CASK: variants seen among roughly 807,000 people sequenced by gnomAD.
The protein encoded by CASK is peripheral plasma membrane protein CASK.
In CASK, 4 loss-of-function variants were observed where a neutral mutation model predicts 82.9. The ratio of observed to expected loss-of-function variants is 0.05; its 90% CI spans 0.02 to 0.11. The LOEUF is 0.11. Among genes scored for constraint, CASK ranks in the 10% least tolerant of loss-of-function variants. CASK has a pLI of 1.00. For synonymous variants in CASK, 259 were observed against 253.5 expected (o/e 1.02, Z -0.20); for missense variants, 358 against 720.9 (o/e 0.50, Z 5.76).
chrX:41,542,589 T>G (rs2064962409), intron 22 of CASK, 102 bp downstream of exon 22: 1 of 542,951 alleles, frequency 1.8e-6, no homozygotes, highest in East Asian at 3.6e-5. Flanking sequence ...TATGGTAGAA[T>G]TTTTTGGATA....
At chrX:41,790,302 A>G in intron 2 of CASK, 1 of 463,270 alleles carries the variant, frequency 2.2e-6, no homozygotes, top group Non-Finnish European at 3.1e-6. Context: ...CCTGACCTCA[A>G]GTGATCCACC....
At chrX:41,845,825 A>T (rs1053690878) in intron 2 of CASK, among the ~76,000 whole-genome samples, 4 of 111,554 alleles carry the variant, frequency 3.6e-5, no homozygotes, top group Non-Finnish European at 5.7e-5. Context: ...TGTTAAATAG[A>T]TATTTTATGG....
chrX:41,858,262 T>C (rs1425047606), intron 1 of CASK, among the ~76,000 whole-genome samples: 1 of 112,056 alleles, frequency 8.9e-6, no homozygotes, highest in Non-Finnish European at 1.9e-5. Flanking sequence ...GCCATCAGTT[T>C]TCCACTGCCA....
intron 4 of CASK, chrX:41,743,428 T>C (rs1352044050): frequency 3.9e-6 from 1 of 256,211 alleles, no homozygotes; most frequent in Admixed American, 6.6e-5. Context: ...TTAGAGAACA[T>C]TGCACAAAAG....
At chrX:41,790,723 G>A (rs2069696356) in intron 2 of CASK, among the ~76,000 whole-genome samples, 1 of 111,640 alleles carries the variant, frequency 9.0e-6, no homozygotes, top group Non-Finnish European at 1.9e-5. Flanking sequence ...GAAAAATTGT[G>A]GTCATGTTTT....
At chrX:41,740,994 C>T (rs987636774) in intron 4 of CASK, among the ~76,000 whole-genome samples, 3 of 111,377 alleles carry the variant, frequency 2.7e-5, no homozygotes, top group Admixed American at 9.6e-5. Context: ...GCGATTTTCC[C>T]GCCTCAGCCT....
chrX:41,571,287 TC>T (rs1377186738), intron 15 of CASK, among the ~76,000 whole-genome samples: 1 of 112,015 alleles, frequency 8.9e-6, no homozygotes, highest in East Asian at 2.8e-4. Context: ...AGTGAAGCCA[TC>T]TTGACCTGGA....
intron 2 of CASK, among the ~76,000 whole-genome samples, chrX:41,837,859 C>G (rs1446273890): frequency 8.9e-6 from 1 of 111,736 alleles, no homozygotes; most frequent in Non-Finnish European, 1.9e-5. Context: ...GTACATTTCC[C>G]AGGAGTACAC....
In CASK at chrX:41,528,909, C is replaced by T. The variant is rs191111224; in HGVS notation, c.2520+2098G>A. On this transcript the variant is annotated intron_variant, in intron 25 of 26. Transcript: ENST00000378163. ...AGTGAAGCCCAGTCGGTGCAGACTG[C>T]GGGCATTCTCAGCTGTACTGTGGTA... Among the ~76,000 whole-genome samples the T allele has an allele frequency of 3.0e-3, 341 of 112,114 alleles. 2 individuals carry two copies. Among genetic ancestry groups the T allele is most frequent in the Middle Eastern group, 0.023 (5 of 217 alleles).
At chrX:41,670,392 AAAAG>A (rs1461919405) in intron 6 of CASK, among the ~76,000 whole-genome samples, 1 of 112,475 alleles carries the variant, frequency 8.9e-6, no homozygotes, top group African/African-American at 3.2e-5. Context: ...ATGTGAAACT[AAAAG>A]AAAATTTGAA....
chrX:41,745,842 T>C (rs985606293), intron 3 of CASK, among the ~76,000 whole-genome samples: 1 of 111,863 alleles, frequency 8.9e-6, no homozygotes, highest in Non-Finnish European at 1.9e-5. Context: ...TCAAATAACA[T>C]TGAGTATATA....
At chrX:41,829,734 T>TATACATATATATATATATATATATATAC (rs1556208238) in intron 2 of CASK, among the ~76,000 whole-genome samples, 1 of 29,675 alleles carries the variant, frequency 3.4e-5, no homozygotes, top group Non-Finnish European at 6.4e-5. Context: ...TATATATATA[T>TATACATATATATATATATATATATATAC]ATATATATAT....
chrX:41,718,190 G>A (rs1416914723), intron 5 of CASK, among the ~76,000 whole-genome samples: 4 of 113,301 alleles, frequency 3.5e-5, no homozygotes, highest in East Asian at 2.8e-4. Context: ...AGGGTGACAC[G>A]CCCAGGAGGG....
intron 11 of CASK, among the ~76,000 whole-genome samples, chrX:41,613,379 A>G (rs1263232271): frequency 3.0e-5 from 3 of 99,174 alleles, no homozygotes; most frequent in East Asian, 3.1e-4. Context: ...ACTCAGGGTT[A>G]AATGGATTAA....
chrX:41,687,342 T>C (rs990599802), intron 5 of CASK, among the ~76,000 whole-genome samples: 1 of 112,124 alleles, frequency 8.9e-6, no homozygotes, highest in Non-Finnish European at 1.9e-5. Context: ...GAAAATGTGG[T>C]GCATATACAG....
chrX:41,589,551 C>A lies in CASK; in HGVS notation c.1197G>T (p.Arg399Ser). Residue 399 changes from arginine to serine, a missense_variant, in exon 13 of 27, where the codon AGG becomes AGT. Arg to Ser is a moderately radical substitution (Grantham distance 110, BLOSUM62 -1). This residue lies in a region of CASK where 110 missense variants were observed against 218.8 expected (regional missense o/e 0.50). Coordinates refer to ENST00000378163, the MANE Select transcript of CASK (RefSeq NM_001367721.1). ...TCTGTACTGCATCGCTTGGAGGATT[C>A]CTGATTTGTGGTGAAGACTTTGTGT... ...KINTKSSPQIRNPPSDAVQRA... is the reference protein window; with the variant it reads ...KINTKSSPQISNPPSDAVQRA... 2 of 1,206,160 alleles carry A rather than the reference C, an allele frequency of 1.7e-6. No individual in the cohort carries two copies. Among genetic ancestry groups the A allele is most frequent in the Non-Finnish European group, 2.2e-6 (2 of 890,598 alleles).
chrX:41,623,759 A>G (rs1282587369), intron 10 of CASK, among the ~76,000 whole-genome samples: 1 of 110,602 alleles, frequency 9.0e-6, no homozygotes, highest in African/African-American at 3.3e-5. Context: ...TCCAGTTTTG[A>G]GTACAGTGAT....
intron 1 of CASK, among the ~76,000 whole-genome samples, chrX:41,861,233 T>G (rs1039885318): frequency 9.0e-6 from 1 of 110,785 alleles, no homozygotes; most frequent in East Asian, 2.8e-4. Flanking sequence ...ATTTGATTGG[T>G]GTGTGTGTGT....
intron 5 of CASK, 136 bp downstream of exon 5, chrX:41,739,248 A>G: frequency 2.1e-6 from 1 of 465,858 alleles, no homozygotes; most frequent in Non-Finnish European, 3.8e-6. Context: ...CCAAATACAA[A>G]GCAGTTAAAT....
Sources: gnomAD v4.1 joint callset for allele counts (sites outside exome capture counted in the v4.1 genomes callset) on GRCh38, gnomAD v4.1.1 for gene constraint, gnomAD v4.1.1 regional missense constraint, MANE v1.5 for transcripts, NCBI Gene and HGNC (gene_info 2026-07-23, HGNC 2026-07-21) for gene names.